TGFB3: variants seen among roughly 807,000 people sequenced by gnomAD.
TGFB3 encodes transforming growth factor beta 3.
TGFB3 carries 5 observed loss-of-function variants against 40.1 expected under a neutral mutation model. The observed-to-expected ratio is 0.12, with a 90% CI of 0.07 to 0.26. The LOEUF (loss-of-function observed/expected upper bound fraction) is 0.26. TGFB3 is among the 10% of genes least tolerant of loss of function. TGFB3 has a pLI of 1.00. For synonymous variants in TGFB3, 184 were observed against 205.6 expected (o/e 0.89, Z 0.90); for missense variants, 373 against 530.1 (o/e 0.70, Z 2.91).
At chr14:75,961,287 G>A (rs934089067) in intron 5 of TGFB3, among the ~76,000 whole-genome samples, 2 of 152,202 alleles carry the variant, frequency 1.3e-5, no homozygotes, top group African/African-American at 4.8e-5. Context: ...AAGAAACAGA[G>A]ATAAATGCTG....
chr14:75,978,272 A>G lies in TGFB3; in HGVS notation c.352+2270T>C, dbSNP rs980656126. 1.3e-5 allele frequency among the ~76,000 whole-genome samples: 2 copies of G among 151,972 alleles called. No individual in the cohort carries two copies. Among genetic ancestry groups the G allele is most frequent in the Non-Finnish European group, 2.9e-5 (2 of 67,984 alleles). On this transcript the variant is annotated intron_variant, in intron 1 of 6. Coordinates refer to ENST00000238682, the MANE Select transcript of TGFB3 (RefSeq NM_003239.5). This position sits in a 1 kb window ranked among gnomAD's most constrained non-coding sequence, Gnocchi z 5.0. ...CCTGGTGTCACCCCTGTCTGCCCTC[A>G]TGAGTTAAAGACAGGCTTCCTTCCC...
chr14:75,963,193 T>G, intron 5 of TGFB3, 123 bp downstream of exon 5: 13 of 1,085,196 alleles, frequency 1.2e-5, no homozygotes, highest in Non-Finnish European at 1.7e-5. Context: ...GTCTTCTTCC[T>G]GGAGATGTTT....
At position 75,958,971 on chromosome 14, in the gene TGFB3, C is replaced by T; in HGVS notation, c.*216G>A. The T allele has an allele frequency of 6.5e-6, 4 of 610,936 alleles. 1 individual carries two copies. The highest frequency in any genetic ancestry group is 5.3e-5 in the South Asian group (3 of 56,526). 37.8% of individuals were successfully genotyped at this position (610,936 alleles called of 1,614,324 possible). On this transcript the variant is annotated 3_prime_UTR_variant, in exon 7 of 7. Transcript: ENST00000238682. ...GTGTGTTCTGAAGAGTTCAGCCTTC[C>T]TCTAACCAAACCCACACTTTCTTTA...
intron 1 of TGFB3, among the ~76,000 whole-genome samples, chr14:75,973,952 C>T (rs1191733184): frequency 1.3e-5 from 2 of 152,060 alleles, no homozygotes; most frequent in African/African-American, 4.8e-5. Context: ...CCAGCCTGAC[C>T]AACATGGTGA....
chr14:75,972,673 G>C (rs1226005125), intron 1 of TGFB3, among the ~76,000 whole-genome samples: 1 of 152,180 alleles, frequency 6.6e-6, no homozygotes, highest in African/African-American at 2.4e-5. Flanking sequence ...AGTAAGAGGG[G>C]CCCGAAACAG....
intron 1 of TGFB3, among the ~76,000 whole-genome samples, chr14:75,974,011 G>A (rs909259594): frequency 3.3e-5 from 5 of 152,122 alleles, no homozygotes; most frequent in South Asian, 2.1e-4. Context: ...CTGGTGGTGC[G>A]TGCCTGTAAT....
At position 75,971,511 on chromosome 14, in the gene TGFB3, C is replaced by T; in HGVS notation, c.516+44G>A. ...TGGTGCCCTGATATGGCAAAGGAAC[C>T]AGCTTTCCCGTCGGTGTGGTTTCTG... On this transcript the variant is annotated intron_variant, in intron 2 of 6. Coordinates refer to ENST00000238682, the MANE Select transcript of TGFB3 (RefSeq NM_003239.5). The surrounding 1 kb of genome is among the most constrained non-coding windows in gnomAD (Gnocchi z 4.5). 6.2e-7 allele frequency: 1 copy of T among 1,611,642 alleles called. No homozygotes were observed.
rs1403326892 is a variant in TGFB3 at position 75,958,516 on chromosome 14, C to G, written c.*671G>C. ...AGAGGGTTGATTTCCACCCTTTCTT[C>G]TGCGTTCAGCATATCCAAAAGGCCC... On this transcript the variant is annotated 3_prime_UTR_variant, in exon 7 of 7. Transcript: ENST00000238682. The G allele has an allele frequency of 6.5e-6, 1 of 154,442 alleles. No individual in the cohort carries two copies. The highest frequency in any genetic ancestry group is 1.4e-5 in the Non-Finnish European group (1 of 69,552). The allele number at this position is 154,442 out of a possible 1,614,324, so 9.6% of individuals were successfully genotyped here. A position where few individuals can be genotyped will look rare whatever the true frequency, so the allele number is the denominator to read the frequency against.
rs1209630348 is a variant in TGFB3 at position 75,959,238 on chromosome 14, G to T, written c.1188C>A (p.Pro396=). Residue 396 remains proline (P), a synonymous_variant, in exon 7 of 7, where the codon CCC becomes CCA. Coordinates refer to ENST00000238682, the MANE Select transcript of TGFB3 (RefSeq NM_003239.5). ...LTILYYVGRT[P]KVEQLSNMVV... ...CCATGTTGGAGAGCTGCTCCACTTT[G>T]GGGGTCCTCCCAACATAGTACAGGA... is the stretch of plus-strand genomic sequence containing the variant. 6.2e-7 allele frequency: 1 copy of T among 1,614,064 alleles called. No homozygotes were observed. Among genetic ancestry groups the T allele is most frequent in the African/African-American group, 1.3e-5 (1 of 74,916 alleles).
At position 75,973,937 on chromosome 14, in the gene TGFB3, T is replaced by C. The variant is rs4252323; in HGVS notation, c.353-2219A>G. Among the ~76,000 whole-genome samples, 644 of 152,028 alleles carry C rather than the reference T, an allele frequency of 4.2e-3. 6 individuals carry two copies. Among genetic ancestry groups the C allele is most frequent in the African/African-American group, 0.015 (610 of 41,472 alleles). The stretch of plus-strand genomic sequence containing the variant: ...TGGGCAGATCACGACATCAGGAGTT[T>C]GAGACCAGCCTGACCAACATGGTGA... On this transcript the variant is annotated intron_variant, in intron 1 of 6. Transcript: ENST00000238682.
chr14:75,976,791 G>A (rs886214479), intron 1 of TGFB3, among the ~76,000 whole-genome samples: 3 of 152,244 alleles, frequency 2.0e-5, no homozygotes, highest in East Asian at 1.9e-4. Context: ...TCATGACGCC[G>A]TGGCTTTTCT....
intron 3 of TGFB3, among the ~76,000 whole-genome samples, chr14:75,969,429 A>T (rs910479984): frequency 5.3e-5 from 8 of 152,356 alleles, no homozygotes; most frequent in Non-Finnish European, 8.8e-5. Flanking sequence ...GTCATGAGAC[A>T]CCAAAGTTCT....
chr14:75,979,617 C>A lies in TGFB3; in HGVS notation c.352+925G>T, dbSNP rs2035397194. Among the ~76,000 whole-genome samples, 2 of 152,086 alleles carry A rather than the reference C, an allele frequency of 1.3e-5. No individual in the cohort carries two copies. The highest frequency in any genetic ancestry group is 6.5e-5 in the Admixed American group (1 of 15,278). ...TATGACTTCCACACGTGTACCAACA[C>A]ACACAGACATCTCGCCCAGAAGCCG... On this transcript the variant is annotated intron_variant, in intron 1 of 6. Transcript: ENST00000238682. This position sits in a 1 kb window ranked among gnomAD's most constrained non-coding sequence, Gnocchi z 4.8.
At chr14:75,962,056 C>T (rs1256985307) in intron 5 of TGFB3, among the ~76,000 whole-genome samples, 1 of 152,160 alleles carries the variant, frequency 6.6e-6, no homozygotes, top group Non-Finnish European at 1.5e-5. Flanking sequence ...GACAAGGTGC[C>T]TGAAGCCCTA....
In TGFB3 at chr14:75,980,847, T is replaced by C. The variant is rs2035420274; in HGVS notation, c.47A>G (p.Asn16Ser). ...CAGAGAGAGGCTGACCGTGGCAAAG[T>C]TCAGCAGGGCCAGGACCACCAGAGC... is the stretch of plus-strand genomic sequence containing the variant. ...QRALVVLALL[N>S]FATVSLSLST... The change falls in exon 1 of 7, where the codon AAC (asparagine) becomes AGC (serine). Residue 16 changes from asparagine (N) to serine (S), a missense_variant. By Grantham distance (46) the Asn-to-Ser change is conservative. Coordinates refer to ENST00000238682, the MANE Select transcript of TGFB3 (RefSeq NM_003239.5). The surrounding 1 kb of genome is among the most constrained non-coding windows in gnomAD (Gnocchi z 4.3). The C allele has an allele frequency of 6.2e-7, 1 of 1,613,950 alleles. No homozygotes were observed. The highest frequency in any genetic ancestry group is 1.7e-5 in the Admixed American group (1 of 59,996).
chr14:75,969,757 C>T (rs908936357), intron 3 of TGFB3, among the ~76,000 whole-genome samples: 3 of 152,102 alleles, frequency 2.0e-5, no homozygotes, highest in Non-Finnish European at 4.4e-5. Flanking sequence ...TCCTAGGCCC[C>T]CTATTTCAAT....
Position 75,980,845 on chromosome 14 carries a change from A to C in TGFB3, c.49T>G (p.Phe17Val). ...RALVVLALLN[F>V]ATVSLSLSTC... ...GACAGAGAGAGGCTGACCGTGGCAA[A>C]GTTCAGCAGGGCCAGGACCACCAGA... The change falls in exon 1 of 7, where the codon TTT becomes GTT. Residue 17 changes from phenylalanine (F) to valine (V), a missense_variant. By Grantham distance (50) the Phe-to-Val change is conservative. Coordinates refer to ENST00000238682, the MANE Select transcript of TGFB3 (RefSeq NM_003239.5). The surrounding 1 kb of genome is among the most constrained non-coding windows in gnomAD (Gnocchi z 4.3). The C allele has an allele frequency of 6.2e-7, 1 of 1,614,108 alleles. No homozygotes were observed. The highest frequency in any genetic ancestry group is 8.5e-7 in the Non-Finnish European group (1 of 1,180,010).
Position 75,979,766 on chromosome 14 carries a change from C to T in TGFB3, c.352+776G>A, listed in dbSNP as rs1012834866. ...TCCCGTGACACGCAGACACAAAGGG[C>T]GCCAGCCTCCTCTACGCATCCACAG... On this transcript the variant is annotated intron_variant, in intron 1 of 6. Transcript: ENST00000238682. The surrounding 1 kb of genome is among the most constrained non-coding windows in gnomAD (Gnocchi z 4.8). 1.3e-5 allele frequency among the ~76,000 whole-genome samples: 2 copies of T among 148,944 alleles called. No individual in the cohort carries two copies. The highest frequency in any genetic ancestry group is 2.0e-4 in the East Asian group (1 of 5,086).
In TGFB3 at chr14:75,978,984, G is replaced by T. The variant is rs2035388422; in HGVS notation, c.352+1558C>A. 6.6e-6 allele frequency among the ~76,000 whole-genome samples: 1 copy of T among 152,114 alleles called. No individual in the cohort carries two copies. The highest frequency in any genetic ancestry group is 2.1e-4 in the South Asian group (1 of 4,830). The stretch of plus-strand genomic sequence containing the variant: ...GCTTGTGGTCACTATCTCCCGCGTT[G>T]GTGGGTTCCCAGGGAGTTGGAGCCT... On this transcript the variant is annotated intron_variant, in intron 1 of 6. Transcript: ENST00000238682. This position sits in a 1 kb window ranked among gnomAD's most constrained non-coding sequence, Gnocchi z 5.0.
Sources: allele counts gnomAD v4.1 joint callset (sites outside exome capture counted in the v4.1 genomes callset), GRCh38; gene constraint gnomAD v4.1.1; non-coding constraint Gnocchi (gnomAD v3.1); transcripts MANE v1.5; gene names NCBI Gene and HGNC (gene_info 2026-07-23, HGNC 2026-07-21).